BCL2L11: variants seen among roughly 807,000 people sequenced by gnomAD.
BCL2L11 encodes the protein bcl-2-like protein 11.
BCL2L11 carries 15 observed loss-of-function variants against 20.6 expected under a neutral mutation model. The observed-to-expected ratio is 0.73, with a 90% CI of 0.49 to 1.12. BCL2L11 has a LOEUF of 1.12. BCL2L11 is among the 50% of genes most tolerant of loss of function. The pLI is 0.00. For missense variants in BCL2L11, 292 were observed against 260.9 expected (o/e 1.12, Z -0.82); for synonymous variants, 108 against 92.8 (o/e 1.16, Z -0.94).
intron 3 of BCL2L11, among the ~76,000 whole-genome samples, chr2:111,155,650 C>G (rs2077739814): frequency 6.6e-6 from 1 of 152,306 alleles, no homozygotes; most frequent in Non-Finnish European, 1.5e-5. Flanking sequence ...TTGTCCAGCT[C>G]AAGTCACTCC....
chr2:111,131,025 T>C (rs531602273), intron 2 of BCL2L11, among the ~76,000 whole-genome samples: 1 of 152,074 alleles, frequency 6.6e-6, no homozygotes, highest in Non-Finnish European at 1.5e-5. Context: ...TTGTTGAGAG[T>C]ATTTGCGCCT....
chr2:111,158,786 C>G (rs897614984), intron 3 of BCL2L11, among the ~76,000 whole-genome samples: 2 of 152,200 alleles, frequency 1.3e-5, no homozygotes. Context: ...CCAGGAAACT[C>G]TTAACTAAAC....
At chr2:111,139,922 C>T (rs952724007) in intron 2 of BCL2L11, among the ~76,000 whole-genome samples, 1 of 152,240 alleles carries the variant, frequency 6.6e-6, no homozygotes, top group South Asian at 2.1e-4. Flanking sequence ...CAGCTCTCCT[C>T]CTGTTCTGCC....
intron 2 of BCL2L11, among the ~76,000 whole-genome samples, chr2:111,140,725 G>A (rs1334345670): frequency 2.6e-5 from 4 of 152,182 alleles, no homozygotes; most frequent in Non-Finnish European, 1.5e-5. Flanking sequence ...ATATATGTGA[G>A]TTTACACCTC....
chr2:111,166,672 T>G lies in BCL2L11; in HGVS notation c.*2441T>G, dbSNP rs549426514. The G allele has an allele frequency of 6.5e-6, 1 of 152,804 alleles. No individual in the cohort carries two copies. The highest frequency in any genetic ancestry group is 2.4e-5 in the African/African-American group (1 of 41,582). The allele number at this position is 152,804 out of a possible 1,614,324, so 9.5% of individuals were successfully genotyped here. On this transcript the variant is annotated 3_prime_UTR_variant, in exon 4 of 4. Coordinates refer to ENST00000393256, the MANE Select transcript of BCL2L11 (RefSeq NM_138621.5). Reference sequence around the variant, plus strand: ...TGTGAGGTTTGTAAAAAGTGTCCTGTGACTTAACACAGAAACGCAATAAAC... The same window carrying G: ...TGTGAGGTTTGTAAAAAGTGTCCTGGGACTTAACACAGAAACGCAATAAAC...
intron 2 of BCL2L11, among the ~76,000 whole-genome samples, chr2:111,147,554 A>T (rs1312638022): frequency 2.6e-5 from 4 of 152,224 alleles, no homozygotes; most frequent in Non-Finnish European, 5.9e-5. Context: ...TAAGATGAGT[A>T]AGTTGAAATT....
At chr2:111,161,106 T>C (rs1396799701) in intron 3 of BCL2L11, among the ~76,000 whole-genome samples, 2 of 152,172 alleles carry the variant, frequency 1.3e-5, no homozygotes, top group Non-Finnish European at 2.9e-5. Flanking sequence ...CAGAACACCG[T>C]GGATTAGAGC....
At chr2:111,151,201 C>T (rs747991983) in intron 3 of BCL2L11, among the ~76,000 whole-genome samples, 3 of 152,122 alleles carry the variant, frequency 2.0e-5, no homozygotes, top group East Asian at 1.9e-4. Flanking sequence ...TGCGCCTGGC[C>T]GCATGGGAGA....
At chr2:111,140,767 T>A (rs993579433) in intron 2 of BCL2L11, among the ~76,000 whole-genome samples, 1 of 152,256 alleles carries the variant, frequency 6.6e-6, no homozygotes, top group Non-Finnish European at 1.5e-5. Flanking sequence ...TAAATTCTAC[T>A]AAATTAGTCA....
intron 2 of BCL2L11, among the ~76,000 whole-genome samples, 161 bp from the exon 3 acceptor site, chr2:111,149,883 C>T (rs1354941277): frequency 1.3e-5 from 2 of 152,198 alleles, no homozygotes; most frequent in African/African-American, 2.4e-5. Flanking sequence ...GACTCTGCCA[C>T]TCTAATCTTT....
intron 2 of BCL2L11, among the ~76,000 whole-genome samples, chr2:111,124,466 A>G (rs1489026510): frequency 2.0e-5 from 3 of 151,876 alleles, no homozygotes; most frequent in Non-Finnish European, 2.9e-5. Context: ...AATTTTTTCT[A>G]TTTTTGGTAG....
At chr2:111,135,651 A>C in intron 2 of BCL2L11, among the ~76,000 whole-genome samples, 1 of 152,094 alleles carries the variant, frequency 6.6e-6, no homozygotes, top group East Asian at 1.9e-4. Context: ...AATTAGCCAG[A>C]TGGGGCGAAG....
At chr2:111,136,708 C>G (rs2074955753) in intron 2 of BCL2L11, among the ~76,000 whole-genome samples, 1 of 152,144 alleles carries the variant, frequency 6.6e-6, no homozygotes, top group East Asian at 1.9e-4. Flanking sequence ...TCTGGGGTCT[C>G]TTTTGTGAGA....
chr2:111,154,340 A>T (rs1336790568), intron 3 of BCL2L11, among the ~76,000 whole-genome samples: 2 of 150,894 alleles, frequency 1.3e-5, no homozygotes, highest in Admixed American at 6.6e-5. Context: ...TTGTCCCAAC[A>T]ATGCCCTTCT....
intron 3 of BCL2L11, chr2:111,151,820 A>G (rs2077293080): frequency 1.9e-6 from 3 of 1,543,494 alleles, no homozygotes; most frequent in Non-Finnish European, 2.6e-6. Flanking sequence ...TACTGTCTTA[A>G]GCTGGCAAAA....
chr2:111,154,024 TG>T, intron 3 of BCL2L11: 1 of 1,128,784 alleles, frequency 8.9e-7, no homozygotes, highest in Non-Finnish European at 1.1e-6. Flanking sequence ...ACTACTCCAG[TG>T]GATTTTGGTA....
chr2:111,128,215 C>T (rs960348767), intron 2 of BCL2L11, among the ~76,000 whole-genome samples: 1 of 152,090 alleles, frequency 6.6e-6, no homozygotes, highest in African/African-American at 2.4e-5. Flanking sequence ...CCATGACAGG[C>T]TTATTTCACT....
intron 2 of BCL2L11, among the ~76,000 whole-genome samples, chr2:111,125,101 T>C (rs915630346): frequency 6.6e-6 from 1 of 152,216 alleles, no homozygotes; most frequent in African/African-American, 2.4e-5. Flanking sequence ...GGGCCACACC[T>C]AATTGTGGCT....
At chr2:111,155,513 A>G (rs990576167) in intron 3 of BCL2L11, among the ~76,000 whole-genome samples, 10 of 152,188 alleles carry the variant, frequency 6.6e-5, no homozygotes, top group African/African-American at 2.4e-4. Context: ...GAATGTAAAA[A>G]TGCTTACTCT....
Sources: allele counts gnomAD v4.1 joint callset (sites outside exome capture counted in the v4.1 genomes callset), GRCh38; gene constraint gnomAD v4.1.1; transcripts MANE v1.5; gene names NCBI Gene and HGNC (gene_info 2026-07-23, HGNC 2026-07-21).